The following RAPGEF2 variants were observed in gnomAD, a reference collection of about 807,000 sequenced individuals.
RAPGEF2 encodes the protein Rap guanine nucleotide exchange factor 2.
A neutral mutation model predicts 186.7 loss-of-function variants in RAPGEF2; 54 were observed. The ratio of observed to expected loss-of-function variants is 0.29; its 90% confidence interval spans 0.23 to 0.36. The LOEUF (loss-of-function observed/expected upper bound fraction) is 0.36. Among genes scored for constraint, RAPGEF2 ranks in the 10% least tolerant of loss-of-function variants. The pLI is 1.00. For missense variants in RAPGEF2, 1,532 were observed against 2,045.0 expected (o/e 0.75, Z 4.84); for synonymous variants, 712 against 705.9 (o/e 1.01, Z -0.14).
intron 8 of RAPGEF2, among the ~76,000 whole-genome samples, chr4:159,314,029 C>T (rs1764253043): frequency 6.6e-6 from 1 of 152,152 alleles, no homozygotes; most frequent in African/African-American, 2.4e-5. Context: ...TGCCTTTACG[C>T]GTATGGTCTC....
intron 1 of RAPGEF2, among the ~76,000 whole-genome samples, chr4:159,167,729 C>G (rs1054048311): frequency 6.6e-6 from 1 of 152,158 alleles, no homozygotes; most frequent in African/African-American, 2.4e-5. Flanking sequence ...TGACACTATT[C>G]TTGGCACAAG....
chr4:159,164,304 GTTTT>G (rs10717642), intron 1 of RAPGEF2, among the ~76,000 whole-genome samples: 4 of 142,004 alleles, frequency 2.8e-5, no homozygotes, highest in African/African-American at 1.0e-4. Context: ...GCACCCGGCT[GTTTT>G]TTTTTTTTTT....
chr4:159,233,083 A>G (rs1489426350), intron 4 of RAPGEF2, among the ~76,000 whole-genome samples: 1 of 152,170 alleles, frequency 6.6e-6, no homozygotes, highest in African/African-American at 2.4e-5. Flanking sequence ...GTGATTTACA[A>G]ATACTTTCTC....
intron 7 of RAPGEF2, among the ~76,000 whole-genome samples, chr4:159,256,383 C>A (rs978758506): frequency 1.1e-4 from 16 of 152,172 alleles, no homozygotes; most frequent in Non-Finnish European, 2.9e-5. Flanking sequence ...TGATCTTGTT[C>A]CTTTTTATGG....
rs200644232 is a variant in RAPGEF2, at chr4:159,353,947, G to A, written c.4552G>A (p.Glu1518Lys). 2.4e-5 allele frequency: 39 copies of A among 1,614,024 alleles called. No homozygotes were observed. The highest frequency in any genetic ancestry group is 9.3e-5 in the African/African-American group (7 of 75,056). The stretch of plus-strand genomic sequence containing the variant: ...TGGAAAGGATGTTTCCATTGAAGCC[G>A]AAAGCAGTAGCCTAACGTCTGTGAC... ...RGGKDVSIEA[E>K]SSSLTSVTTE... The change falls in exon 28 of 30, where the codon GAA becomes AAA. Residue 1518 changes from glutamate (E) to lysine (K), a missense_variant. Physicochemically the swap from Glu to Lys is moderately conservative, Grantham distance 56. This residue lies in a region of RAPGEF2 where 594 missense variants were observed against 608.5 expected (regional missense o/e 0.98). Transcript: ENST00000691494. This position sits in a 1 kb window ranked among gnomAD's most constrained non-coding sequence, Gnocchi z 4.3.
intron 3 of RAPGEF2, among the ~76,000 whole-genome samples, chr4:159,204,894 T>C (rs1228894721): frequency 6.6e-6 from 1 of 152,060 alleles, no homozygotes; most frequent in Non-Finnish European, 1.5e-5. Flanking sequence ...CAGATTTCTG[T>C]TTTTTGCCCA....
At chr4:159,343,901 G>A (rs113693188) in intron 22 of RAPGEF2, 135 bp from the exon 23 acceptor site, 142 of 791,946 alleles carry the variant, frequency 1.8e-4, no homozygotes, top group East Asian at 1.7e-3. Flanking sequence ...GCGTGTGTGA[G>A]GTGATTATGC....
intron 1 of RAPGEF2, among the ~76,000 whole-genome samples, chr4:159,181,794 C>T (rs1031131012): frequency 3.3e-5 from 5 of 152,168 alleles, no homozygotes; most frequent in Non-Finnish European, 7.4e-5. Context: ...GCCTCGGCCT[C>T]CCAGAGTGCT....
chr4:159,128,319 T>C (rs140123547), intron 1 of RAPGEF2, among the ~76,000 whole-genome samples: 25 of 152,290 alleles, frequency 1.6e-4, no homozygotes, highest in Non-Finnish European at 1.6e-4. Flanking sequence ...GAAATTTTCA[T>C]TGGATCTTAG....
chr4:159,128,999 G>C (rs1230350840), intron 1 of RAPGEF2: 1 of 148,232 alleles, frequency 6.7e-6, no homozygotes, highest in African/African-American at 2.5e-5. Flanking sequence ...ATACATATTT[G>C]TAGAAGAAAA....
At chr4:159,142,208 T>C (rs979985847) in intron 1 of RAPGEF2, among the ~76,000 whole-genome samples, 1 of 152,214 alleles carries the variant, frequency 6.6e-6, no homozygotes, top group Non-Finnish European at 1.5e-5. Flanking sequence ...ATTAAAAATG[T>C]TGAAAATGTC....
Position 159,339,175 on chromosome 4 carries a change from C to T in RAPGEF2, c.2355C>T (p.Ile785=). ...ATCAGCAAAGCCGCTACATCATGAT[C>T]AGTAAGGACACTACAGCAAAGGAAG... ...KADQQSRYIM[I]SKDTTAKEVV... The change falls in exon 19 of 30, where the codon ATC becomes ATT. Residue 785 remains isoleucine (I), a synonymous_variant. Coordinates refer to ENST00000691494, the MANE Select transcript of RAPGEF2 (RefSeq NM_001394067.2). 6.2e-7 allele frequency: 1 copy of T among 1,614,132 alleles called. No individual in the cohort carries two copies. Among genetic ancestry groups the T allele is most frequent in the Non-Finnish European group, 8.5e-7 (1 of 1,180,012 alleles).
chr4:159,112,393 A>G (rs1206422978), intron 1 of RAPGEF2, among the ~76,000 whole-genome samples: 1 of 152,116 alleles, frequency 6.6e-6, no homozygotes, highest in South Asian at 2.1e-4. Context: ...TTTTTTTGTC[A>G]TAATGGAAGT....
rs1218056775 is a variant in RAPGEF2, at chr4:159,353,287, C to CT, written c.4092-199dup. 6.6e-6 allele frequency among the ~76,000 whole-genome samples: 1 copy of CT among 151,356 alleles called. No individual in the cohort carries two copies. Among genetic ancestry groups the CT allele is most frequent in the African/African-American group, 2.4e-5 (1 of 41,150 alleles). On this transcript the variant is annotated intron_variant, in intron 27 of 29. Coordinates refer to ENST00000691494, the MANE Select transcript of RAPGEF2 (RefSeq NM_001394067.2). This position sits in a 1 kb window ranked among gnomAD's most constrained non-coding sequence, Gnocchi z 4.3. ...CACGTTGCGTTCTTTTCCCGCATGC[C>CT]TGTTTTATAGTAATGATAAAGTCAG...
chr4:159,342,616 A>ATTTTATT (rs1554041277), intron 20 of RAPGEF2, among the ~76,000 whole-genome samples: 16 of 118,384 alleles, frequency 1.4e-4, no homozygotes, highest in African/African-American at 1.6e-4. Context: ...ATTTTATTTT[A>ATTTTATT]TTACTAGAGG....
intron 1 of RAPGEF2, among the ~76,000 whole-genome samples, chr4:159,104,536 G>GGGAGAGAC (rs1737627384): frequency 9.7e-6 from 1 of 102,872 alleles, no homozygotes; most frequent in African/African-American, 5.0e-5. Context: ...GGGAGAGACA[G>GGGAGAGAC]AGAGAGAGAG....
chr4:159,225,097 T>A (rs1751891962), intron 4 of RAPGEF2, among the ~76,000 whole-genome samples: 1 of 152,130 alleles, frequency 6.6e-6, no homozygotes, highest in Non-Finnish European at 1.5e-5. Context: ...TATAAAGAGA[T>A]AACCTGGGTC....
chr4:159,274,481 A>T (rs751023821), intron 7 of RAPGEF2, among the ~76,000 whole-genome samples: 4 of 152,250 alleles, frequency 2.6e-5, no homozygotes, highest in African/African-American at 4.8e-5. Flanking sequence ...CCATGTGAGC[A>T]TGTATAAAAA....
intron 8 of RAPGEF2, among the ~76,000 whole-genome samples, chr4:159,307,172 A>G (rs1215573464): frequency 6.6e-6 from 1 of 152,176 alleles, no homozygotes; most frequent in Non-Finnish European, 1.5e-5. Flanking sequence ...AACCGTAAAA[A>G]TAACTTTCTT....
Sources: gnomAD v4.1 joint callset for allele counts (sites outside exome capture counted in the v4.1 genomes callset) on GRCh38, gnomAD v4.1.1 for gene constraint, gnomAD v4.1.1 regional missense constraint, Gnocchi (gnomAD v3.1) non-coding constraint, MANE v1.5 for transcripts, NCBI Gene and HGNC (gene_info 2026-07-23, HGNC 2026-07-21) for gene names.